Variants in TMEM245 observed in about 807,000 individuals in gnomAD.
TMEM245 encodes the protein protein CG-2.
In TMEM245, 69 loss-of-function variants were observed where a neutral mutation model predicts 101.2. That is an observed-to-expected ratio of 0.68 (90% CI 0.56 to 0.83). TMEM245 has a LOEUF of 0.83. TMEM245 is among the 40% of genes least tolerant of loss of function. The pLI is 0.00. For synonymous variants in TMEM245, 537 were observed against 449.8 expected, an observed-to-expected ratio of 1.19 and a Z score of -2.45; for missense variants, 1,075 against 1,092.8, an observed-to-expected ratio of 0.98 and a Z score of 0.23.
chr9:109,093,499 C>T lies in TMEM245; in HGVS notation c.892G>A (p.Asp298Asn), dbSNP rs903383545. The change falls in exon 4 of 18, where the codon GAC becomes AAC. Residue 298 changes from aspartate (D) to asparagine (N), a missense_variant. Physicochemically the swap from Asp to Asn is conservative, Grantham distance 23. Coordinates refer to ENST00000374586, the MANE Select transcript of TMEM245 (RefSeq NM_032012.4). ...CCTGCAGGCTGAGTGGAGGGCTGGT[C>T]TTCACTGCTTGATTCATACCCTGTG... ...SITGYESSSEDQPSTQPAEAV... is the reference protein window; with the variant it reads ...SITGYESSSENQPSTQPAEAV... 9 of 1,613,814 alleles carry T rather than the reference C, an allele frequency of 5.6e-6. No homozygotes were observed. Among genetic ancestry groups the T allele is most frequent in the Non-Finnish European group, 7.6e-6 (9 of 1,179,994 alleles).
chr9:109,061,571 CCTT>C (rs1423099513), intron 10 of TMEM245, among the ~76,000 whole-genome samples: 4 of 151,958 alleles, frequency 2.6e-5, no homozygotes, highest in African/African-American at 4.8e-5. Flanking sequence ...TACAATAAAT[CCTT>C]CTTTTTTTTT....
intron 5 of TMEM245, among the ~76,000 whole-genome samples, chr9:109,087,657 A>T (rs184229033): frequency 6.6e-6 from 1 of 152,338 alleles, no homozygotes; most frequent in Non-Finnish European, 1.5e-5. Context: ...AGTGACTACA[A>T]TTCTGGCCCC....
chr9:109,048,969 A>T (rs1029698300), intron 14 of TMEM245, among the ~76,000 whole-genome samples: 1 of 152,246 alleles, frequency 6.6e-6, no homozygotes, highest in Non-Finnish European at 1.5e-5. Flanking sequence ...GCTTGGCTGT[A>T]GGACAGAGGA....
chr9:109,023,702 C>A (rs1827707433), intron 17 of TMEM245, among the ~76,000 whole-genome samples: 1 of 151,850 alleles, frequency 6.6e-6, no homozygotes, highest in Non-Finnish European at 1.5e-5. Flanking sequence ...CGGGCGTGGT[C>A]GCGGGCGCCT....
intron 5 of TMEM245, among the ~76,000 whole-genome samples, chr9:109,087,726 T>G (rs1423722169): frequency 6.6e-6 from 1 of 152,238 alleles, no homozygotes; most frequent in Non-Finnish European, 1.5e-5. Context: ...CTCATCTCCT[T>G]GGCTTTTATA....
chr9:109,119,530 G>C lies in TMEM245; in HGVS notation c.384C>G (p.Leu128=), dbSNP rs1355599236. 1.3e-6 allele frequency: 2 copies of C among 1,529,212 alleles called. No homozygotes were observed. The highest frequency in any genetic ancestry group is 2.6e-5 in the East Asian group (1 of 38,952). 94.7% of individuals were successfully genotyped at this position (1,529,212 alleles called of 1,614,324 possible). A position where few individuals can be genotyped will look rare whatever the true frequency, so the allele number is the denominator to read the frequency against. The stretch of plus-strand genomic sequence containing the variant: ...CCTCGACGCCGTAGTCGACGAAGCA[G>C]AGCGGCAGGAGCAGCGCGGCCAGGA... ...PIVLAALLLP[L]CFVDYGVEAL... is the part of the protein sequence containing the mutation. The change falls in exon 1 of 18, where the codon CTC becomes CTG. Residue 128 remains leucine, a synonymous_variant. Coordinates refer to ENST00000374586, the MANE Select transcript of TMEM245 (RefSeq NM_032012.4).
In TMEM245 at chr9:109,039,227, CT is replaced by C. The variant is rs1828232111; in HGVS notation, c.2124-1111del. 3.9e-5 allele frequency: 6 copies of C among 152,266 alleles called. No individual in the cohort carries two copies. In the South Asian group the frequency reaches 1.2e-3, roughly 32 times the overall value. The allele number at this position is 152,266 out of a possible 1,614,324, so 9.4% of individuals were successfully genotyped here. A position where few individuals can be genotyped will look rare whatever the true frequency, so the allele number is the denominator to read the frequency against. ...AGTGGCTCCCCAATTGTAAAACCTG[CT>C]TTGTCATCCGGACCAATGGCTTTCA... On this transcript the variant is annotated intron_variant, in intron 14 of 17. Transcript: ENST00000374586.
intron 17 of TMEM245, among the ~76,000 whole-genome samples, chr9:109,029,621 C>G (rs1483207611): frequency 3.3e-5 from 5 of 152,160 alleles, no homozygotes; most frequent in Admixed American, 1.3e-4. Context: ...TCCCGAAAAT[C>G]TATAAGAGGA....
intron 1 of TMEM245, among the ~76,000 whole-genome samples, chr9:109,115,504 T>G (rs908822773): frequency 6.6e-6 from 1 of 150,952 alleles, no homozygotes; most frequent in African/African-American, 2.4e-5. Context: ...TTTCTGATTT[T>G]TTCCTAGTAA....
chr9:109,069,565 C>T (rs1171821082), intron 9 of TMEM245, among the ~76,000 whole-genome samples: 1 of 152,176 alleles, frequency 6.6e-6, no homozygotes. Context: ...CTCCACTGAA[C>T]TCACAGTATT....
chr9:109,104,033 T>C (rs1258246310), intron 3 of TMEM245, among the ~76,000 whole-genome samples: 1 of 151,714 alleles, frequency 6.6e-6, no homozygotes, highest in African/African-American at 2.4e-5. Flanking sequence ...TGCAGTGAGC[T>C]GAGATCATGC....
chr9:109,086,186 C>G (rs1829830546), intron 6 of TMEM245, among the ~76,000 whole-genome samples, 166 bp from the exon 7 acceptor site: 1 of 152,162 alleles, frequency 6.6e-6, no homozygotes, highest in Admixed American at 6.5e-5. Context: ...GTTTTAAAAT[C>G]AACGGAATGT....
chr9:109,106,241 A>ATATTTTATTTTATAAAAATAAAATAAAAT (rs1434554398), intron 3 of TMEM245, among the ~76,000 whole-genome samples: 1 of 151,726 alleles, frequency 6.6e-6, no homozygotes, highest in East Asian at 1.9e-4. Context: ...TAAAATAAAA[A>ATATTTTATTTTATAAAAATAAAATAAAAT]TATTTTATTT....
At position 109,081,614 on chromosome 9, in the gene TMEM245, G is replaced by C. The variant is rs370616406; in HGVS notation, c.1345-671C>G. ...CCTTCAGGTTAATTTGTTTTATTAA[G>C]GGGGGAGTCATTGGTAGATAGTCTT... is the stretch of plus-strand genomic sequence containing the variant. On this transcript the variant is annotated intron_variant, in intron 7 of 17. Transcript: ENST00000374586. Among the ~76,000 whole-genome samples the C allele has an allele frequency of 5.0e-4, 76 of 152,174 alleles. 2 individuals carry two copies. In the South Asian group the frequency reaches 0.015, roughly 30 times the overall value.
chr9:109,055,076 C>A (rs1828791333), intron 12 of TMEM245, among the ~76,000 whole-genome samples: 1 of 152,174 alleles, frequency 6.6e-6, no homozygotes, highest in Non-Finnish European at 1.5e-5. Flanking sequence ...TCTTCTCTTT[C>A]CGTAAGAATT....
chr9:109,033,757 C>T (rs764072073), intron 16 of TMEM245, among the ~76,000 whole-genome samples: 2 of 152,168 alleles, frequency 1.3e-5, no homozygotes, highest in Non-Finnish European at 2.9e-5. Flanking sequence ...ATAAAGCCAG[C>T]AATGTTAACA....
chr9:109,058,063 C>T (rs1196184095), intron 11 of TMEM245, among the ~76,000 whole-genome samples: 1 of 147,412 alleles, frequency 6.8e-6, no homozygotes, highest in Non-Finnish European at 1.5e-5. Flanking sequence ...TGCAGTGGTG[C>T]GATTTCGGCT....
chr9:109,023,788 A>G (rs1827712267), intron 17 of TMEM245, among the ~76,000 whole-genome samples: 2 of 150,954 alleles, frequency 1.3e-5, no homozygotes. Context: ...GTGAGCCCAG[A>G]TCGCGCCACT....
intron 9 of TMEM245, among the ~76,000 whole-genome samples, chr9:109,066,432 G>A (rs890737783): frequency 1.2e-5 from 1 of 84,586 alleles, no homozygotes. Context: ...TCCAGCCTGG[G>A]CAAAAGAGCA....
Sources: gnomAD v4.1 joint callset for allele counts (sites outside exome capture counted in the v4.1 genomes callset) on GRCh38, gnomAD v4.1.1 for gene constraint, MANE v1.5 for transcripts, NCBI Gene and HGNC (gene_info 2026-07-23, HGNC 2026-07-21) for gene names.